The following PLOD2 variants were observed in gnomAD, a reference collection of about 807,000 sequenced individuals.
PLOD2 encodes the protein procollagen-lysine,2-oxoglutarate 5-dioxygenase 2.
A neutral mutation model predicts 101.0 loss-of-function variants in PLOD2; 65 were observed. The observed-to-expected ratio is 0.64, with a 90% CI of 0.53 to 0.79. The LOEUF (loss-of-function observed/expected upper bound fraction) is 0.79. Among genes scored for constraint, PLOD2 ranks in the 30% least tolerant of loss-of-function variants. PLOD2 has a pLI of 0.00. For synonymous variants in PLOD2, 314 were observed against 302.9 expected (o/e 1.04, Z -0.38); for missense variants, 909 against 914.6 (o/e 0.99, Z 0.08).
At chr3:146,137,173 T>C (rs78692318) in intron 1 of PLOD2, among the ~76,000 whole-genome samples, 2,199 of 152,290 alleles carry the variant, frequency 0.014, 58 homozygotes, top group African/African-American at 0.05. Context: ...GTATTTTCCA[T>C]ATATCAAAGC....
rs2107988617 is a variant in PLOD2 at position 146,069,898 on chromosome 3, A to G, written c.*819T>C. On this transcript the variant is annotated 3_prime_UTR_variant, in exon 20 of 20. Coordinates refer to ENST00000282903, the MANE Select transcript of PLOD2 (RefSeq NM_182943.3). ...TTCCTATTTTCTAGAACTTTCTAAA[A>G]AAGGAAACAAAGCAAAAACAACAAC... The G allele has an allele frequency of 6.6e-6, 1 of 152,342 alleles. No individual in the cohort carries two copies. Among genetic ancestry groups the G allele is most frequent in the East Asian group, 1.9e-4 (1 of 5,154 alleles). The allele number at this position is 152,342 out of a possible 1,614,324, so 9.4% of individuals were successfully genotyped here. A position where few individuals can be genotyped will look rare whatever the true frequency, so the allele number is the denominator to read the frequency against.
At chr3:146,149,415 A>G (rs1040846713) in intron 1 of PLOD2, among the ~76,000 whole-genome samples, 1 of 152,154 alleles carries the variant, frequency 6.6e-6, no homozygotes, top group Non-Finnish European at 1.5e-5. Flanking sequence ...GTTCAAAAGT[A>G]GACTTCTTAG....
At position 146,133,417 on chromosome 3, in the gene PLOD2, C is replaced by CA. The variant is rs532725943; in HGVS notation, c.110-9189dup. On this transcript the variant is annotated intron_variant, in intron 1 of 19. Coordinates refer to ENST00000282903, the MANE Select transcript of PLOD2 (RefSeq NM_182943.3). ...AACCATATAATTTTTCCAATCTGTACAAAAAAACACTTTACTTAGAACTGC... is the reference window on the plus strand; with the variant it reads ...AACCATATAATTTTTCCAATCTGTACAAAAAAAACACTTTACTTAGAACTGC... 4.9e-4 allele frequency among the ~76,000 whole-genome samples: 74 copies of CA among 152,004 alleles called. 1 individual carries two copies. The highest frequency in any genetic ancestry group is 1.8e-3 in the African/African-American group (73 of 41,472).
intron 7 of PLOD2, among the ~76,000 whole-genome samples, chr3:146,099,552 T>C (rs1937313246): frequency 6.6e-6 from 1 of 151,656 alleles, no homozygotes; most frequent in Admixed American, 6.6e-5. Flanking sequence ...AGCTGCCTAA[T>C]TTTTTTTCTT....
chr3:146,126,962 G>A (rs2108102953), intron 1 of PLOD2, among the ~76,000 whole-genome samples: 1 of 152,142 alleles, frequency 6.6e-6, no homozygotes, highest in East Asian at 1.9e-4. Flanking sequence ...GATAAATACT[G>A]AAACTGCATT....
chr3:146,122,580 A>G (rs1373945138), intron 2 of PLOD2, among the ~76,000 whole-genome samples: 1 of 151,920 alleles, frequency 6.6e-6, no homozygotes, highest in East Asian at 1.9e-4. Flanking sequence ...GAGCCTGATT[A>G]TTTTTTCTTT....
At chr3:146,102,290 T>A (rs1176232709) in intron 7 of PLOD2, among the ~76,000 whole-genome samples, 1 of 152,228 alleles carries the variant, frequency 6.6e-6, no homozygotes, top group Admixed American at 6.5e-5. Flanking sequence ...CAAAATTTTA[T>A]TGGTCAAATT....
chr3:146,070,686 A>G lies in PLOD2; in HGVS notation c.*31T>C. ...TGTTCATGCCAGTCATTCATCCAAAATAAATTTCAATTCAATGAAAAGTAA... is the reference window on the plus strand; with the variant it reads ...TGTTCATGCCAGTCATTCATCCAAAGTAAATTTCAATTCAATGAAAAGTAA... On this transcript the variant is annotated 3_prime_UTR_variant, in exon 20 of 20. Transcript: ENST00000282903. The G allele has an allele frequency of 1.3e-6, 2 of 1,496,964 alleles. No individual in the cohort carries two copies. The highest frequency in any genetic ancestry group is 1.9e-6 in the Non-Finnish European group (2 of 1,077,484). The allele number at this position is 1,496,964 out of a possible 1,614,324, so 92.7% of individuals were successfully genotyped here. A position where few individuals can be genotyped will look rare whatever the true frequency, so the allele number is the denominator to read the frequency against.
At chr3:146,124,774 T>C (rs1259911426) in intron 1 of PLOD2, among the ~76,000 whole-genome samples, 1 of 152,170 alleles carries the variant, frequency 6.6e-6, no homozygotes, top group South Asian at 2.1e-4. Context: ...CTATCCGGGA[T>C]TGCTTTTTCA....
chr3:146,085,265 CA>C lies in PLOD2; in HGVS notation c.1135del (p.Cys379AlafsTer19). The C allele has an allele frequency of 1.3e-6, 2 of 1,569,140 alleles. No individual in the cohort carries two copies. The highest frequency in any genetic ancestry group is 1.8e-6 in the Non-Finnish European group (2 of 1,139,596). On this transcript the variant is annotated frameshift_variant, in exon 11 of 20. Coordinates refer to ENST00000282903, the MANE Select transcript of PLOD2 (RefSeq NM_182943.3). LOFTEE classifies it high-confidence loss of function. Reference sequence around the variant, plus strand: ...ATAATCACACTTTTCATCCTGACGGCAAAAGTCCCTAACAGTGAAAAAGAAA... The same window carrying C: ...ATAATCACACTTTTCATCCTGACGGCAAAGTCCCTAACAGTGAAAAAGAAA... ...AEARNMGMDF[C>X]RQDEKCDYYF...
chr3:146,088,610 T>C lies in PLOD2; in HGVS notation c.981A>G (p.Ala327=). 2 of 1,582,410 alleles carry C rather than the reference T, an allele frequency of 1.3e-6. No individual in the cohort carries two copies. Among genetic ancestry groups the C allele is most frequent in the Non-Finnish European group, 8.7e-7 (1 of 1,152,028 alleles). ...ILLTLDYPKE[A]LKLFIHNKEV... ...CTTTGTTATGAATAAAAAGTTTAAG[T>C]GCTTCTTTTGGGTAATCCAGTGTCA... Residue 327 remains alanine (A), a synonymous_variant, in exon 9 of 20, where the codon GCA becomes GCG. Transcript: ENST00000282903.
intron 17 of PLOD2, 104 bp downstream of exon 17, chr3:146,072,457 A>G (rs1218991365): frequency 3.8e-6 from 3 of 789,238 alleles, no homozygotes; most frequent in Non-Finnish European, 6.6e-6. Flanking sequence ...CTAAGTCTAG[A>G]ACTCAGAGAC....
chr3:146,110,238 T>G lies in PLOD2; in HGVS notation c.502+47A>C, dbSNP rs143084115. The G allele has an allele frequency of 1.8e-4, 275 of 1,535,380 alleles. 1 individual carries two copies. The African/African-American group carries it at 3.3e-3, about 18-fold the overall frequency. On this transcript the variant is annotated intron_variant, in intron 4 of 19. Coordinates refer to ENST00000282903, the MANE Select transcript of PLOD2 (RefSeq NM_182943.3). ...ACATCTACAAAAATGGTTGTTTCAT[T>G]AGTCTTTATAACTTGCATTAAACTT...
chr3:146,106,732 G>T, intron 4 of PLOD2, 88 bp from the exon 5 acceptor site: 1 of 778,548 alleles, frequency 1.3e-6, no homozygotes, highest in Non-Finnish European at 2.4e-6. Context: ...GTTGAACAGA[G>T]TTGTGAAGTC....
intron 1 of PLOD2, 50 bp downstream of exon 1, chr3:146,160,831 C>T: frequency 8.4e-7 from 1 of 1,188,288 alleles, no homozygotes. Context: ...ATGAACTGCC[C>T]CCCCGCCGGC....
chr3:146,114,454 T>A (rs968804905), intron 3 of PLOD2, among the ~76,000 whole-genome samples: 3 of 151,928 alleles, frequency 2.0e-5, no homozygotes, highest in Admixed American at 2.0e-4. Flanking sequence ...AGCAAAAGTA[T>A]CCAGCCAACA....
chr3:146,071,758 T>C (rs1051352803), intron 17 of PLOD2, among the ~76,000 whole-genome samples: 2 of 151,720 alleles, frequency 1.3e-5, no homozygotes, highest in African/African-American at 4.8e-5. Context: ...AGTGACCCTT[T>C]AGGCAGTCTC....
At position 146,107,910 on chromosome 3, in the gene PLOD2, C is replaced by T. The variant is rs976636191; in HGVS notation, c.503-1266G>A. Among the ~76,000 whole-genome samples, 8 of 152,026 alleles carry T rather than the reference C, an allele frequency of 5.3e-5. No homozygotes were observed. In the South Asian group the frequency reaches 1.0e-3, roughly 20 times the overall value. On this transcript the variant is annotated intron_variant, in intron 4 of 19. Transcript: ENST00000282903. ...CTGCCCGCCTCAGCCTCCCAAAGTG[C>T]TGAGATTAGAGGCGTGAGCCACCAT... is the stretch of plus-strand genomic sequence containing the variant.
intron 7 of PLOD2, among the ~76,000 whole-genome samples, chr3:146,096,876 G>C: frequency 1.3e-5 from 1 of 74,356 alleles, no homozygotes; most frequent in Non-Finnish European, 2.9e-5. Context: ...GTCCGGGAGG[G>C]AGGTGGGGGG....
Sources: allele counts gnomAD v4.1 joint callset (sites outside exome capture counted in the v4.1 genomes callset), GRCh38; gene constraint gnomAD v4.1.1; transcripts MANE v1.5; gene names NCBI Gene and HGNC (gene_info 2026-07-23, HGNC 2026-07-21).